The following NPAS3 variants were observed in gnomAD, a reference collection of about 807,000 sequenced individuals.
NPAS3 encodes the protein neuronal PAS domain-containing protein 3.
NPAS3 carries 14 observed loss-of-function variants against 73.1 expected under a neutral mutation model. The observed-to-expected ratio is 0.19, with a 90% CI of 0.13 to 0.30. The LOEUF (loss-of-function observed/expected upper bound fraction) is 0.30, where lower values mean the gene tolerates loss of function less well. Ranked by LOEUF, NPAS3 falls within the 10% of genes least tolerant of loss-of-function variation. The pLI is 1.00. For missense variants in NPAS3, 1,096 were observed against 1,250.0 expected (o/e 0.88, Z 1.86); for synonymous variants, 620 against 541.5 (o/e 1.14, Z -2.01).
At chr14:33,083,961 G>A (rs755425147) in intron 2 of NPAS3, among the ~76,000 whole-genome samples, 1 of 152,124 alleles carries the variant, frequency 6.6e-6, no homozygotes, top group African/African-American at 2.4e-5. Context: ...CATCCTTTAA[G>A]TAATGCAGGA....
intron 4 of NPAS3, among the ~76,000 whole-genome samples, chr14:33,421,798 T>A (rs1422092187): frequency 1.3e-5 from 2 of 151,974 alleles, no homozygotes; most frequent in Non-Finnish European, 2.9e-5. Context: ...CTGTTATATC[T>A]TGAAAAGACC....
chr14:33,224,486 A>G (rs2047549779), intron 3 of NPAS3, among the ~76,000 whole-genome samples: 2 of 152,068 alleles, frequency 1.3e-5, no homozygotes, highest in African/African-American at 2.4e-5. Context: ...GGTCCATAGT[A>G]TGTTAGTAAA....
chr14:33,254,237 C>T (rs2048695528), intron 3 of NPAS3, among the ~76,000 whole-genome samples: 1 of 152,028 alleles, frequency 6.6e-6, no homozygotes, highest in Admixed American at 6.6e-5. Flanking sequence ...TCTGTTTTCC[C>T]AGCCCCATCT....
At chr14:33,341,034 G>A (rs903147987) in intron 3 of NPAS3, among the ~76,000 whole-genome samples, 1 of 152,186 alleles carries the variant, frequency 6.6e-6, no homozygotes, top group Non-Finnish European at 1.5e-5. Flanking sequence ...TGTGTAGTAT[G>A]TAATACATAG....
At chr14:33,309,804 G>A (rs1566783645) in intron 3 of NPAS3, among the ~76,000 whole-genome samples, 1 of 152,142 alleles carries the variant, frequency 6.6e-6, no homozygotes, top group African/African-American at 2.4e-5. Context: ...ATTATTTTCT[G>A]TAAGTCTGCC....
At chr14:33,222,717 T>A (rs2139719630) in intron 3 of NPAS3, among the ~76,000 whole-genome samples, 1 of 152,266 alleles carries the variant, frequency 6.6e-6, no homozygotes, top group South Asian at 2.1e-4. Context: ...TTTAACTATG[T>A]TTTAAGTTGA....
chr14:33,051,541 GT>G (rs146929958), intron 1 of NPAS3, among the ~76,000 whole-genome samples: 3,257 of 152,196 alleles, frequency 0.021, 103 homozygotes, highest in African/African-American at 0.067. Context: ...AAAAAATTTT[GT>G]TTTGTGTGAT....
At chr14:33,357,183 G>A (rs912789931) in intron 3 of NPAS3, among the ~76,000 whole-genome samples, 1 of 152,232 alleles carries the variant, frequency 6.6e-6, no homozygotes, top group Admixed American at 6.5e-5. Context: ...TTAGAGGGAA[G>A]ATGGTGGGGT....
chr14:33,746,828 C>T (rs368262601), intron 7 of NPAS3, among the ~76,000 whole-genome samples: 16 of 151,864 alleles, frequency 1.1e-4, no homozygotes, highest in African/African-American at 2.9e-4. Flanking sequence ...TGTGCCATGC[C>T]GGTGTGCTGC....
At chr14:33,158,563 G>T (rs184712158) in intron 2 of NPAS3, among the ~76,000 whole-genome samples, 3 of 152,130 alleles carry the variant, frequency 2.0e-5, no homozygotes, top group Non-Finnish European at 4.4e-5. Context: ...ACAGGGAAAT[G>T]GTGTAGGCAC....
intron 5 of NPAS3, among the ~76,000 whole-genome samples, chr14:33,574,807 C>T (rs1260752333): frequency 1.3e-5 from 2 of 152,078 alleles, no homozygotes; most frequent in African/African-American, 4.8e-5. Context: ...ATCTCTTCCT[C>T]TTCTGCTGAG....
rs545251092 is a variant in NPAS3, at chr14:33,706,482, A to G, written c.734-28732A>G. 1.3e-3 allele frequency among the ~76,000 whole-genome samples: 202 copies of G among 152,304 alleles called. 1 individual carries two copies. Among genetic ancestry groups the G allele is most frequent in the African/African-American group, 4.7e-3 (197 of 41,566 alleles). On this transcript the variant is annotated intron_variant, in intron 6 of 11. Transcript: ENST00000356141. Reference sequence around the variant, plus strand: ...GACACCAAACACCATGCCTTCCCCCATAGATCTGGCTGTTTCTCATGATCC... The same window carrying G: ...GACACCAAACACCATGCCTTCCCCCGTAGATCTGGCTGTTTCTCATGATCC...
intron 4 of NPAS3, among the ~76,000 whole-genome samples, chr14:33,535,153 T>C (rs1320204768): frequency 6.6e-6 from 1 of 152,182 alleles, no homozygotes; most frequent in East Asian, 1.9e-4. Context: ...TCAAATTCTA[T>C]AATAAAAGTA....
intron 9 of NPAS3, among the ~76,000 whole-genome samples, chr14:33,782,726 G>C (rs1396120075): frequency 6.6e-6 from 1 of 151,906 alleles, no homozygotes; most frequent in Non-Finnish European, 1.5e-5. Context: ...CTCTGGAAGA[G>C]TTATTTCAGA....
chr14:33,605,337 C>T (rs1203406036), intron 5 of NPAS3, among the ~76,000 whole-genome samples: 1 of 148,850 alleles, frequency 6.7e-6, no homozygotes, highest in Non-Finnish European at 1.5e-5. Context: ...GTGACATTGC[C>T]TAGAACTTCT....
chr14:32,966,856 G>T (rs569566559), intron 1 of NPAS3, among the ~76,000 whole-genome samples: 12 of 151,514 alleles, frequency 7.9e-5, no homozygotes, highest in African/African-American at 2.4e-4. Context: ...TCATGACATT[G>T]GCCTGAACAA....
At chr14:33,794,685 TCTATCTGCAA>T (rs1257450929) in intron 10 of NPAS3, among the ~76,000 whole-genome samples, 1 of 151,284 alleles carries the variant, frequency 6.6e-6, no homozygotes, top group Non-Finnish European at 1.5e-5. Flanking sequence ...TCCTTAACAG[TCTATCTGCAA>T]GTGAGCCCAA....
chr14:33,328,446 C>CTTTTTTTTTTTTTT lies in NPAS3; in HGVS notation c.386-38715_386-38702dup, dbSNP rs58411120. Among the ~76,000 whole-genome samples, 31 of 49,596 alleles carry CTTTTTTTTTTTTTT rather than the reference C, an allele frequency of 6.3e-4. 11 individuals are homozygous for CTTTTTTTTTTTTTT. Among genetic ancestry groups the CTTTTTTTTTTTTTT allele is most frequent in the Non-Finnish European group, 9.0e-4 (24 of 26,756 alleles). 32.5% of individuals were successfully genotyped at this position (49,596 alleles called of 152,430 possible). A position where few individuals can be genotyped will look rare whatever the true frequency, so the allele number is the denominator to read the frequency against. ...TTTATCTTTCTTTTCCTTTTCTTTT[C>CTTTTTTTTTTTTTT]TTTTTTTTTTTTTTTTTTTTTTTTT... is the stretch of plus-strand genomic sequence containing the variant. On this transcript the variant is annotated intron_variant, in intron 3 of 11. Transcript: ENST00000356141.
At chr14:33,253,513 G>A (rs1405342448) in intron 3 of NPAS3, among the ~76,000 whole-genome samples, 1 of 151,930 alleles carries the variant, frequency 6.6e-6, no homozygotes, top group Non-Finnish European at 1.5e-5. Flanking sequence ...AGCTTCCTGG[G>A]TTCCATTTCC....
Sources: allele counts gnomAD v4.1 joint callset (sites outside exome capture counted in the v4.1 genomes callset), GRCh38; gene constraint gnomAD v4.1.1; transcripts MANE v1.5; gene names NCBI Gene and HGNC (gene_info 2026-07-23, HGNC 2026-07-21).